Variants in MAML3 observed in about 807,000 individuals in gnomAD.
The protein encoded by MAML3 is mastermind-like protein 3.
A neutral mutation model predicts 101.9 loss-of-function variants in MAML3; 27 were observed. The observed-to-expected ratio is 0.27, with a 90% CI of 0.20 to 0.37. The LOEUF is 0.37. Among genes scored for constraint, MAML3 ranks in the 10% least tolerant of loss-of-function variants. The pLI is 1.00. For synonymous variants in MAML3, 501 were observed against 555.9 expected, an observed-to-expected ratio of 0.90 and a Z score of 1.39; for missense variants, 1,316 against 1,444.9, an observed-to-expected ratio of 0.91 and a Z score of 1.45.
At chr4:140,008,082 C>T (rs1455159305) in intron 1 of MAML3, among the ~76,000 whole-genome samples, 2 of 152,224 alleles carry the variant, frequency 1.3e-5, no homozygotes, top group Non-Finnish European at 2.9e-5. Context: ...CAGTGGCTCA[C>T]GCCTGTAATC....
chr4:140,103,406 A>G (rs1359216174), intron 1 of MAML3, among the ~76,000 whole-genome samples: 1 of 152,200 alleles, frequency 6.6e-6, no homozygotes, highest in Non-Finnish European at 1.5e-5. Flanking sequence ...ACAATAATTT[A>G]AAGTGGCTTC....
intron 2 of MAML3, among the ~76,000 whole-genome samples, chr4:139,754,288 T>C (rs1267808797): frequency 1.3e-5 from 2 of 152,262 alleles, no homozygotes; most frequent in African/African-American, 4.8e-5. Flanking sequence ...AACATTATTT[T>C]CTTCTTGATT....
At chr4:140,139,034 G>A (rs1185174673) in intron 1 of MAML3, among the ~76,000 whole-genome samples, 6 of 152,186 alleles carry the variant, frequency 3.9e-5, no homozygotes, top group Admixed American at 2.0e-4. Context: ...CACTTTGAGA[G>A]GCCAAGGCAG....
At chr4:140,069,441 A>AAGGAGG (rs1214430311) in intron 1 of MAML3, among the ~76,000 whole-genome samples, 4 of 85,328 alleles carry the variant, frequency 4.7e-5, no homozygotes, top group Non-Finnish European at 9.8e-5. Flanking sequence ...GAAGGAGGAG[A>AAGGAGG]AGGAGGAGAA....
At chr4:140,068,599 C>T (rs1727578962) in intron 1 of MAML3, among the ~76,000 whole-genome samples, 1 of 152,202 alleles carries the variant, frequency 6.6e-6, no homozygotes. Context: ...GATTTAAATC[C>T]TAACCCGGTC....
At chr4:140,015,571 C>G (rs528042927) in intron 1 of MAML3, among the ~76,000 whole-genome samples, 5 of 152,300 alleles carry the variant, frequency 3.3e-5, no homozygotes, top group Middle Eastern at 3.4e-3. Flanking sequence ...ATACCACGAA[C>G]AAAGCAAGGA....
chr4:140,054,833 C>T (rs779498365), intron 1 of MAML3, among the ~76,000 whole-genome samples: 9 of 152,202 alleles, frequency 5.9e-5, no homozygotes, highest in Non-Finnish European at 8.8e-5. Flanking sequence ...TCCACAAATA[C>T]TGGACAGCTA....
chr4:140,052,698 C>A (rs970510615), intron 1 of MAML3, among the ~76,000 whole-genome samples: 3 of 151,976 alleles, frequency 2.0e-5, no homozygotes, highest in African/African-American at 7.3e-5. Context: ...CCATACCCGG[C>A]TAATTTTTGT....
intron 4 of MAML3, among the ~76,000 whole-genome samples, chr4:139,720,625 G>T (rs116818234): frequency 1.3e-5 from 2 of 152,158 alleles, no homozygotes; most frequent in South Asian, 2.1e-4. Context: ...AATTGGGATC[G>T]TACTGTGCAT....
chr4:139,720,430 A>G, intron 4 of MAML3, 107 bp from the exon 5 acceptor site: 1 of 960,812 alleles, frequency 1.0e-6, no homozygotes, highest in Non-Finnish European at 1.5e-6. Context: ...TTTATATGAA[A>G]GGATCTACTC....
At chr4:139,839,042 TCA>T (rs1412999874) in intron 2 of MAML3, among the ~76,000 whole-genome samples, 1 of 152,204 alleles carries the variant, frequency 6.6e-6, no homozygotes, top group East Asian at 1.9e-4. Context: ...AGCCAAATCC[TCA>T]GTCAAGCTTA....
In MAML3 at chr4:139,716,761, G is replaced by A. The variant is rs533259624; in HGVS notation, c.*2562C>T. The A allele has an allele frequency of 1.6e-4, 25 of 152,564 alleles. No homozygotes were observed. Among genetic ancestry groups the A allele is most frequent in the African/African-American group, 6.0e-4 (25 of 41,566 alleles). 9.5% of individuals were successfully genotyped at this position (152,564 alleles called of 1,614,324 possible). A position where few individuals can be genotyped will look rare whatever the true frequency, so the allele number is the denominator to read the frequency against. The stretch of plus-strand genomic sequence containing the variant: ...ATAAACTATACTTTGGATTGATTCA[G>A]ATAATCTTTTATTTTTGTTTTTGTT... On this transcript the variant is annotated 3_prime_UTR_variant, in exon 5 of 5. Transcript: ENST00000509479.
intron 1 of MAML3, among the ~76,000 whole-genome samples, chr4:140,121,332 C>G (rs539319957): frequency 1.3e-5 from 2 of 152,176 alleles, no homozygotes; most frequent in Non-Finnish European, 2.9e-5. Flanking sequence ...CTCTTGGAAG[C>G]CTTAGAAGAC....
intron 1 of MAML3, among the ~76,000 whole-genome samples, chr4:140,060,709 G>A (rs1727433028): frequency 6.6e-6 from 1 of 152,116 alleles, no homozygotes; most frequent in South Asian, 2.1e-4. Context: ...TAAGTAAAAT[G>A]TCACTATTAT....
chr4:140,071,682 T>C (rs1727656091), intron 1 of MAML3, among the ~76,000 whole-genome samples: 1 of 149,722 alleles, frequency 6.7e-6, no homozygotes, highest in Admixed American at 6.7e-5. Context: ...CAGTGAAACG[T>C]ATCAGCGTAC....
intron 1 of MAML3, among the ~76,000 whole-genome samples, chr4:140,081,982 C>T (rs1217239440): frequency 6.6e-6 from 1 of 152,174 alleles, no homozygotes; most frequent in Non-Finnish European, 1.5e-5. Context: ...GGGCAGTAAA[C>T]ATAAAATAGG....
At chr4:139,913,722 C>G (rs1405727566) in intron 1 of MAML3, among the ~76,000 whole-genome samples, 1 of 152,216 alleles carries the variant, frequency 6.6e-6, no homozygotes, top group Non-Finnish European at 1.5e-5. Context: ...AACATCTTAA[C>G]AGAAGACTAC....
intron 2 of MAML3, among the ~76,000 whole-genome samples, chr4:139,755,362 G>A (rs188647502): frequency 2.4e-4 from 37 of 152,306 alleles, no homozygotes; most frequent in Admixed American, 1.8e-3. Context: ...CAGCACAGGC[G>A]TGCTGGGAGG....
In MAML3 at chr4:139,730,686, G is replaced by A. The variant is rs2110989203; in HGVS notation, c.2080-19C>T. On this transcript the variant is annotated intron_variant, in intron 2 of 4. Transcript: ENST00000509479. ...GCTGCTCCTGGGAAGACAAGAGAGA[G>A]GGAGATGCAGGGATTCCCCATAGAG... 6.3e-7 allele frequency: 1 copy of A among 1,598,068 alleles called. No individual in the cohort carries two copies. Among genetic ancestry groups the A allele is most frequent in the Non-Finnish European group, 8.6e-7 (1 of 1,168,888 alleles).
Sources: allele counts gnomAD v4.1 joint callset (sites outside exome capture counted in the v4.1 genomes callset), GRCh38; gene constraint gnomAD v4.1.1; transcripts MANE v1.5; gene names NCBI Gene and HGNC (gene_info 2026-07-23, HGNC 2026-07-21).